CMSS1: variants seen among roughly 807,000 people sequenced by gnomAD.
CMSS1 encodes cms1 ribosomal small subunit homolog.
Under a neutral mutation model 43.5 loss-of-function variants are expected in CMSS1, and 33 were observed. That is an observed-to-expected ratio of 0.76 (90% CI 0.57 to 1.01). The LOEUF is 1.01. CMSS1 is among the 50% of genes least tolerant of loss of function. The pLI is 0.00. For missense variants in CMSS1, 313 were observed against 326.4 expected (o/e 0.96, Z 0.32); for synonymous variants, 115 against 117.2 (o/e 0.98, Z 0.12).
At chr3:100,117,140 G>A (rs1023295969) in intron 1 of CMSS1, among the ~76,000 whole-genome samples, 15 of 152,064 alleles carry the variant, frequency 9.9e-5, no homozygotes, top group African/African-American at 2.9e-4. Context: ...AAAGATAGAC[G>A]TAGCCCTTGC....
At chr3:100,034,111 T>G (rs188893988) in intron 1 of CMSS1, among the ~76,000 whole-genome samples, 11 of 152,352 alleles carry the variant, frequency 7.2e-5, no homozygotes, top group Admixed American at 2.0e-4. Context: ...TGCATCATCA[T>G]CCATTGAAAT....
chr3:100,058,795 C>T (rs2065509436), intron 1 of CMSS1, among the ~76,000 whole-genome samples: 1 of 152,186 alleles, frequency 6.6e-6, no homozygotes, highest in African/African-American at 2.4e-5. Flanking sequence ...TGAGTTAAGC[C>T]ATGACTTCTC....
At position 99,841,148 on chromosome 3, in the gene CMSS1, A is replaced by G. The variant is rs184423394; in HGVS notation, c.64+23105A>G. 3.6e-3 allele frequency among the ~76,000 whole-genome samples: 547 copies of G among 152,362 alleles called. 2 individuals carry two copies. Among genetic ancestry groups the G allele is most frequent in the Non-Finnish European group, 5.9e-3 (401 of 68,036 alleles). Reference sequence around the variant, plus strand: ...TTTGAAGAAAACATATTGCATACTAAGACACTGCGCATGTCACTGAGACAC... The same window carrying G: ...TTTGAAGAAAACATATTGCATACTAGGACACTGCGCATGTCACTGAGACAC... On this transcript the variant is annotated intron_variant, in intron 1 of 9. Coordinates refer to ENST00000421999, the MANE Select transcript of CMSS1 (RefSeq NM_032359.4).
chr3:99,990,260 G>A (rs1040496694), intron 1 of CMSS1, among the ~76,000 whole-genome samples: 4 of 152,158 alleles, frequency 2.6e-5, no homozygotes, highest in Non-Finnish European at 5.9e-5. Flanking sequence ...TAGACAGAAA[G>A]AGATAGACAT....
In CMSS1 at chr3:100,118,210, C is replaced by T. The variant is rs1254900296; in HGVS notation, c.65-28763C>T. 1.3e-5 allele frequency among the ~76,000 whole-genome samples: 2 copies of T among 151,388 alleles called. 1 individual carries two copies. The highest frequency in any genetic ancestry group is 3.9e-4 in the East Asian group (2 of 5,168). On this transcript the variant is annotated intron_variant, in intron 1 of 9. Coordinates refer to ENST00000421999, the MANE Select transcript of CMSS1 (RefSeq NM_032359.4). ...AGTTGTACTTTATTTCACTGAGTTG[C>T]ACACATGAAAAGGGTTAAAATGGTA...
chr3:100,138,293 A>G (rs1042278033), intron 1 of CMSS1, among the ~76,000 whole-genome samples: 12 of 152,244 alleles, frequency 7.9e-5, no homozygotes, highest in African/African-American at 2.9e-4. Flanking sequence ...CAAAGACTTC[A>G]TGACTAAATC....
At chr3:99,925,114 T>A (rs1707249940) in intron 1 of CMSS1, among the ~76,000 whole-genome samples, 1 of 152,340 alleles carries the variant, frequency 6.6e-6, no homozygotes, top group Admixed American at 6.5e-5. Context: ...CCTATAGTTC[T>A]CTGTACCAGT....
At chr3:99,830,255 A>T (rs1017426950) in intron 1 of CMSS1, 1 of 342,220 alleles carries the variant, frequency 2.9e-6, no homozygotes, top group African/African-American at 2.1e-5. Flanking sequence ...AAGTAAAATA[A>T]TTGTAGACGT....
chr3:100,090,758 G>A (rs937075039), intron 1 of CMSS1, among the ~76,000 whole-genome samples: 2 of 152,176 alleles, frequency 1.3e-5, no homozygotes, highest in South Asian at 4.1e-4. Flanking sequence ...CAACTTGTCT[G>A]ATCACCACTG....
intron 1 of CMSS1, among the ~76,000 whole-genome samples, chr3:100,065,334 A>G (rs1050557483): frequency 4.6e-5 from 7 of 152,164 alleles, no homozygotes; most frequent in African/African-American, 1.7e-4. Context: ...TCTCAGGCCA[A>G]TCTAACCTTC....
chr3:99,954,613 G>A lies in CMSS1; in HGVS notation c.64+136570G>A, dbSNP rs1708266815. Among the ~76,000 whole-genome samples, 4 of 152,028 alleles carry A rather than the reference G, an allele frequency of 2.6e-5. No homozygotes were observed. The South Asian group carries it at 8.3e-4, about 32-fold the overall frequency. Reference sequence around the variant, plus strand: ...GGTGGAGGCAGGTGGATTACTTAAGGTCAGGAGTTCGAGACCAGCCTGACC... The same window carrying A: ...GGTGGAGGCAGGTGGATTACTTAAGATCAGGAGTTCGAGACCAGCCTGACC... On this transcript the variant is annotated intron_variant, in intron 1 of 9. Coordinates refer to ENST00000421999, the MANE Select transcript of CMSS1 (RefSeq NM_032359.4).
intron 1 of CMSS1, among the ~76,000 whole-genome samples, chr3:100,145,165 G>C (rs1268030781): frequency 6.6e-6 from 1 of 152,146 alleles, no homozygotes; most frequent in Non-Finnish European, 1.5e-5. Context: ...ATTAGGCTGG[G>C]TATGGTGGCT....
chr3:99,841,044 T>C (rs1460842257), intron 1 of CMSS1, among the ~76,000 whole-genome samples: 1 of 152,242 alleles, frequency 6.6e-6, no homozygotes, highest in Non-Finnish European at 1.5e-5. Context: ...CTCCATAATA[T>C]CTGCCCCAGT....
intron 1 of CMSS1, among the ~76,000 whole-genome samples, chr3:100,080,323 GA>G (rs36071813): frequency 0.18 from 27,610 of 150,978 alleles, 2,909 homozygotes; most frequent in South Asian, 0.25. Flanking sequence ...CTAAGAGGGG[GA>G]AAAAAAAATT....
chr3:100,025,893 A>G (rs1358339195), intron 1 of CMSS1, among the ~76,000 whole-genome samples: 2 of 152,160 alleles, frequency 1.3e-5, no homozygotes, highest in African/African-American at 2.4e-5. Flanking sequence ...GCTTAGAGCC[A>G]GTTTGCCTTG....
At chr3:99,884,940 A>G (rs1280219978) in intron 1 of CMSS1, among the ~76,000 whole-genome samples, 1 of 152,010 alleles carries the variant, frequency 6.6e-6, no homozygotes, top group African/African-American at 2.4e-5. Flanking sequence ...CACAAATATT[A>G]TTTGCTAAGG....
intron 1 of CMSS1, among the ~76,000 whole-genome samples, chr3:100,145,330 C>T (rs1279766423): frequency 6.6e-6 from 1 of 152,092 alleles, no homozygotes; most frequent in Non-Finnish European, 1.5e-5. Flanking sequence ...TGCCTGTGAT[C>T]CCAGCTACTC....
At chr3:99,900,691 C>A (rs1454936001) in intron 1 of CMSS1, among the ~76,000 whole-genome samples, 1 of 152,246 alleles carries the variant, frequency 6.6e-6, no homozygotes, top group Non-Finnish European at 1.5e-5. Context: ...TTCCCTCTTT[C>A]TTCTTTTCCA....
chr3:100,021,607 A>T (rs180949694), intron 1 of CMSS1, among the ~76,000 whole-genome samples: 1 of 152,324 alleles, frequency 6.6e-6, no homozygotes, highest in African/African-American at 2.4e-5. Flanking sequence ...ATTTTAGAAG[A>T]TCACTGGCCC....
Sources: allele counts gnomAD v4.1 joint callset (sites outside exome capture counted in the v4.1 genomes callset), GRCh38; gene constraint gnomAD v4.1.1; transcripts MANE v1.5; gene names NCBI Gene and HGNC (gene_info 2026-07-23, HGNC 2026-07-21).